The following ITGA6 variants were observed in gnomAD, a reference collection of about 807,000 sequenced individuals.
ITGA6 encodes integrin subunit alpha 6.
In ITGA6, 63 loss-of-function variants were observed where a neutral mutation model predicts 133.6. The observed-to-expected ratio is 0.47, with a 90% CI of 0.38 to 0.58. The LOEUF (loss-of-function observed/expected upper bound fraction) is 0.58. Among genes scored for constraint, ITGA6 ranks in the 20% least tolerant of loss-of-function variants. ITGA6 has a pLI of 0.00. For synonymous variants in ITGA6, 434 were observed against 482.0 expected, an observed-to-expected ratio of 0.90 and a Z score of 1.30; for missense variants, 1,068 against 1,309.4, an observed-to-expected ratio of 0.82 and a Z score of 2.85.
chr2:172,472,821 G>GT, intron 5 of ITGA6: 1 of 1,612,696 alleles, frequency 6.2e-7, no homozygotes. Context: ...TGATCAGTTT[G>GT]TTTATAAAAC....
intron 4 of ITGA6, among the ~76,000 whole-genome samples, chr2:172,470,176 T>G (rs965467390): frequency 6.6e-5 from 10 of 152,210 alleles, no homozygotes; most frequent in African/African-American, 2.4e-4. Context: ...TTCAACAATT[T>G]GTTTTAATTG....
chr2:172,498,213 T>C (rs779632129), intron 24 of ITGA6, 113 bp downstream of exon 24: 2 of 1,106,160 alleles, frequency 1.8e-6, no homozygotes, highest in South Asian at 1.3e-5. Flanking sequence ...TTTTCTAACA[T>C]TATGAAACTC....
chr2:172,462,360 C>T (rs1685462633), intron 1 of ITGA6, among the ~76,000 whole-genome samples: 1 of 152,186 alleles, frequency 6.6e-6, no homozygotes, highest in Admixed American at 6.5e-5. Flanking sequence ...CATGTGCAGG[C>T]TGAGCTCGCC....
In ITGA6 at chr2:172,504,528, A is replaced by T. The variant is rs1687481068; in HGVS notation, c.*460A>T. The T allele has an allele frequency of 3.5e-6, 1 of 289,752 alleles. No individual in the cohort carries two copies. The highest frequency in any genetic ancestry group is 2.2e-5 in the African/African-American group (1 of 45,462). The allele number at this position is 289,752 out of a possible 1,614,324, so 17.9% of individuals were successfully genotyped here. A position where few individuals can be genotyped will look rare whatever the true frequency, so the allele number is the denominator to read the frequency against. Reference sequence around the variant, plus strand: ...ATTTTTGGCGTGGCTGACTTACATCATGTGTTGGGGAAGGGCCTGCCCAGT... The same window carrying T: ...ATTTTTGGCGTGGCTGACTTACATCTTGTGTTGGGGAAGGGCCTGCCCAGT... On this transcript the variant is annotated 3_prime_UTR_variant, in exon 26 of 26. Transcript: ENST00000684293.
intron 11 of ITGA6, among the ~76,000 whole-genome samples, chr2:172,484,434 G>GGAGTGTTGGGTTCCTCTGCGTATCGTTA (rs1686578146): frequency 6.6e-6 from 1 of 151,624 alleles, no homozygotes; most frequent in Non-Finnish European, 1.5e-5. Flanking sequence ...GGTGCTCGGG[G>GGAGTGTTGGGTTCCTCTGCGTATCGTTA]GAGTGTTGGG....
rs370708711 is a variant in ITGA6, at chr2:172,485,264, T to C, written c.1854T>C (p.Asp618=). 63 of 1,613,884 alleles carry C rather than the reference T, an allele frequency of 3.9e-5. 1 individual carries two copies. In the Admixed American group the frequency reaches 7.2e-4, roughly 18 times the overall value. Residue 618 remains aspartate (D), a splice_region_variant and synonymous_variant, in exon 13 of 26, where the codon GAT becomes GAC. Transcript: ENST00000684293. ...ATGAACCCAAGACAGCTCATATTGA[T>C]GTAAGTCTCTCTGACTTTCATTTTG... ...NSDEPKTAHI[D]VHFLKEGCGD...
chr2:172,471,534 G>T (rs116605795), intron 5 of ITGA6, among the ~76,000 whole-genome samples: 3,707 of 152,216 alleles, frequency 0.024, 150 homozygotes, highest in African/African-American at 0.084. Context: ...CTCTTAAGTG[G>T]CAAGTCAAGA....
chr2:172,492,210 C>T (rs893862033), intron 23 of ITGA6, among the ~76,000 whole-genome samples: 3 of 152,210 alleles, frequency 2.0e-5, no homozygotes, highest in Non-Finnish European at 4.4e-5. Context: ...CTCAGCATCT[C>T]GGCACCACAC....
chr2:172,461,113 G>C (rs13430324), intron 1 of ITGA6, among the ~76,000 whole-genome samples: 1 of 152,206 alleles, frequency 6.6e-6, no homozygotes, highest in African/African-American at 2.4e-5. Context: ...TAGCATGATA[G>C]TGAGTCCTGA....
At chr2:172,442,141 CG>C (rs1232606867) in intron 1 of ITGA6, among the ~76,000 whole-genome samples, 1 of 152,154 alleles carries the variant, frequency 6.6e-6, no homozygotes, top group East Asian at 1.9e-4. Flanking sequence ...CCAACCCCTG[CG>C]TCATGTTTCT....
At chr2:172,480,138 G>A in intron 11 of ITGA6, 87 bp downstream of exon 11, 1 of 789,026 alleles carries the variant, frequency 1.3e-6, no homozygotes, top group Admixed American at 1.9e-5. Flanking sequence ...TAAAACTGCA[G>A]TGGCCAACAT....
In ITGA6 at chr2:172,505,109, T is replaced by C. The variant is rs1687504070; in HGVS notation, c.*1041T>C. ...CTTATCTATAAACTATAACCTCTCCTTCATGACAGCCTCCACCCCACAACC... is the reference window on the plus strand; with the variant it reads ...CTTATCTATAAACTATAACCTCTCCCTCATGACAGCCTCCACCCCACAACC... On this transcript the variant is annotated 3_prime_UTR_variant, in exon 26 of 26. Coordinates refer to ENST00000684293, the MANE Select transcript of ITGA6 (RefSeq NM_000210.4). 1 of 152,642 alleles carries C rather than the reference T, an allele frequency of 6.6e-6. No individual in the cohort carries two copies. 9.5% of individuals were successfully genotyped at this position (152,642 alleles called of 1,614,324 possible). A position where few individuals can be genotyped will look rare whatever the true frequency, so the allele number is the denominator to read the frequency against.
At chr2:172,459,407 G>A (rs1685339440) in intron 1 of ITGA6, among the ~76,000 whole-genome samples, 1 of 152,184 alleles carries the variant, frequency 6.6e-6, no homozygotes, top group African/African-American at 2.4e-5. Flanking sequence ...GGGTGGCTGA[G>A]GCATGAGAAG....
intron 4 of ITGA6, among the ~76,000 whole-genome samples, chr2:172,470,068 T>A (rs1685853995): frequency 6.6e-6 from 1 of 152,220 alleles, no homozygotes; most frequent in African/African-American, 2.4e-5. Context: ...GAACTGCATC[T>A]GATTTGGAAA....
chr2:172,472,723 C>A, intron 5 of ITGA6: 1 of 1,207,776 alleles, frequency 8.3e-7, no homozygotes, highest in Non-Finnish European at 1.2e-6. Flanking sequence ...TGCCTCTTAC[C>A]AAGCATAATT....
At chr2:172,463,066 T>G (rs1685498913) in intron 1 of ITGA6, among the ~76,000 whole-genome samples, 1 of 152,102 alleles carries the variant, frequency 6.6e-6, no homozygotes, top group Non-Finnish European at 1.5e-5. Flanking sequence ...TCTAGCTCCC[T>G]GTGGTTTCAT....
intron 11 of ITGA6, 60 bp downstream of exon 11, chr2:172,480,111 C>A: frequency 2.0e-6 from 2 of 987,326 alleles, no homozygotes; most frequent in Non-Finnish European, 3.3e-6. Context: ...GAAAGTTCTG[C>A]ATAAATCACA....
chr2:172,454,717 C>T (rs1488739089), intron 1 of ITGA6, among the ~76,000 whole-genome samples: 1 of 152,098 alleles, frequency 6.6e-6, no homozygotes, highest in Non-Finnish European at 1.5e-5. Flanking sequence ...CATTAGGTTG[C>T]AGAAGGAATC....
intron 2 of ITGA6, among the ~76,000 whole-genome samples, chr2:172,467,190 C>G (rs545597792): frequency 6.6e-6 from 1 of 152,212 alleles, no homozygotes; most frequent in East Asian, 1.9e-4. Flanking sequence ...GTTTCACTTA[C>G]CTTCTGCATT....
Sources: gnomAD v4.1 joint callset for allele counts (sites outside exome capture counted in the v4.1 genomes callset) on GRCh38, gnomAD v4.1.1 for gene constraint, MANE v1.5 for transcripts, NCBI Gene and HGNC (gene_info 2026-07-23, HGNC 2026-07-21) for gene names.